The following NTNG1 variants were observed in gnomAD, a reference collection of about 807,000 sequenced individuals.
The protein encoded by NTNG1 is netrin-G1.
Under a neutral mutation model 54.0 loss-of-function variants are expected in NTNG1, and 16 were observed. That is an observed-to-expected ratio of 0.30 (90% CI 0.20 to 0.45). NTNG1 has a LOEUF of 0.45. Ranked by LOEUF, NTNG1 falls within the 20% of genes least tolerant of loss-of-function variation. NTNG1 has a pLI of 1.00. For missense variants in NTNG1, 530 were observed against 678.7 expected (o/e 0.78, Z 2.43); for synonymous variants, 255 against 263.1 (o/e 0.97, Z 0.30).
chr1:107,180,054 GA>G (rs1557785524), intron 2 of NTNG1, among the ~76,000 whole-genome samples: 1 of 152,254 alleles, frequency 6.6e-6, no homozygotes, highest in Admixed American at 6.5e-5. Flanking sequence ...ACATACCAGA[GA>G]GTGTCTTAGA....
At chr1:107,444,099 GATGAGCAAAC>G (rs1189427404) in intron 7 of NTNG1, among the ~76,000 whole-genome samples, 1 of 87,092 alleles carries the variant, frequency 1.1e-5, no homozygotes, top group Admixed American at 1.2e-4. Context: ...TTGTCTGCTA[GATGAGCAAAC>G]CCCAGGGTTG....
chr1:107,172,499 A>G (rs1018802015), intron 2 of NTNG1, among the ~76,000 whole-genome samples: 1 of 152,132 alleles, frequency 6.6e-6, no homozygotes, highest in Non-Finnish European at 1.5e-5. Context: ...ATTAGCAAAA[A>G]TCTTGGCAGT....
At chr1:107,363,909 T>C (rs952096329) in intron 3 of NTNG1, among the ~76,000 whole-genome samples, 2 of 152,192 alleles carry the variant, frequency 1.3e-5, no homozygotes, top group Non-Finnish European at 2.9e-5. Flanking sequence ...TTTGATCAGT[T>C]ATTTTGTGTT....
intron 5 of NTNG1, among the ~76,000 whole-genome samples, chr1:107,425,235 G>A (rs989228729): frequency 6.6e-6 from 1 of 151,986 alleles, no homozygotes; most frequent in Non-Finnish European, 1.5e-5. Flanking sequence ...TGTGTTTCAT[G>A]GATATTACAT....
intron 7 of NTNG1, chr1:107,455,496 G>A (rs1386646320): frequency 7.6e-6 from 3 of 392,736 alleles, no homozygotes; most frequent in Admixed American, 7.5e-5. Flanking sequence ...TTCCAAAGCA[G>A]CAGGCTTGTT....
At chr1:107,273,767 G>A (rs901982866) in intron 2 of NTNG1, among the ~76,000 whole-genome samples, 5 of 152,114 alleles carry the variant, frequency 3.3e-5, no homozygotes, top group African/African-American at 1.2e-4. Context: ...GTACATATCA[G>A]TCACAGTCAT....
At chr1:107,216,612 T>C (rs775157775) in intron 2 of NTNG1, among the ~76,000 whole-genome samples, 16 of 152,154 alleles carry the variant, frequency 1.1e-4, no homozygotes, top group Non-Finnish European at 1.3e-4. Flanking sequence ...GGTTTTCTTA[T>C]TTGGTTATGT....
Position 107,324,373 on chromosome 1 carries a change from A to G in NTNG1, c.338A>G (p.His113Arg). 1 of 1,613,842 alleles carries G rather than the reference A, an allele frequency of 6.2e-7. No homozygotes were observed. The highest frequency in any genetic ancestry group is 8.5e-7 in the Non-Finnish European group (1 of 1,179,808). The change falls in exon 3 of 8, where the codon CAT (histidine) becomes CGT (arginine). Residue 113 changes from histidine to arginine, a missense_variant. Physicochemically the swap from His to Arg is conservative, Grantham distance 29 (BLOSUM62 0). Coordinates refer to ENST00000370068, the MANE Select transcript of NTNG1 (RefSeq NM_001113226.3). ...CTGATGTTTGATTTTGAAGGAAGAC[A>G]TCCCTCCACATTTTGGCAGTCTGCC... Reference protein sequence around the residue: ...PELMFDFEGRHPSTFWQSATW... With the variant: ...PELMFDFEGRRPSTFWQSATW...
chr1:107,263,005 A>G (rs12145076), intron 2 of NTNG1, among the ~76,000 whole-genome samples: 12,459 of 152,260 alleles, frequency 0.082, 597 homozygotes, highest in Middle Eastern at 0.11. Flanking sequence ...TCTAGCACAA[A>G]TAATGCAAAG....
chr1:107,429,154 C>T (rs1331806523), intron 5 of NTNG1, among the ~76,000 whole-genome samples: 1 of 151,882 alleles, frequency 6.6e-6, no homozygotes, highest in African/African-American at 2.4e-5. Flanking sequence ...CTTCTTGCCT[C>T]TCTTTTAGCA....
At chr1:107,205,196 C>G (rs1434591956) in intron 2 of NTNG1, among the ~76,000 whole-genome samples, 1 of 152,132 alleles carries the variant, frequency 6.6e-6, no homozygotes, top group Non-Finnish European at 1.5e-5. Context: ...ATTCAATAAT[C>G]CATTTTAAAT....
chr1:107,330,841 T>C (rs1668232037), intron 3 of NTNG1: 1 of 152,050 alleles, frequency 6.6e-6, no homozygotes, highest in African/African-American at 2.4e-5. Flanking sequence ...TTATAGAACA[T>C]TTACAGAATC....
chr1:107,329,516 A>G (rs995931526), intron 3 of NTNG1, among the ~76,000 whole-genome samples: 1 of 152,240 alleles, frequency 6.6e-6, no homozygotes, highest in African/African-American at 2.4e-5. Context: ...GTATAAAAGC[A>G]GTAGAGCACT....
intron 7 of NTNG1, 38 bp from the exon 8 acceptor site, chr1:107,480,573 C>CCCCCCCCCCCCCCCCCACCA: frequency 1.8e-6 from 1 of 559,904 alleles, no homozygotes; most frequent in Non-Finnish European, 3.4e-6. Flanking sequence ...TTCTCCTCCC[C>CCCCCCCCCCCCCCCCCACCA]GCGCCCACCC....
At chr1:107,163,356 C>T (rs143984266) in intron 2 of NTNG1, among the ~76,000 whole-genome samples, 1 of 152,186 alleles carries the variant, frequency 6.6e-6, no homozygotes, top group East Asian at 1.9e-4. Context: ...AGATGATGTA[C>T]TTAGCACAGG....
At chr1:107,203,503 G>T (rs368288130) in intron 2 of NTNG1, among the ~76,000 whole-genome samples, 3 of 150,668 alleles carry the variant, frequency 2.0e-5, no homozygotes, top group East Asian at 3.9e-4. Context: ...ATTCTTTCTG[G>T]GAAGTTTATA....
intron 7 of NTNG1, among the ~76,000 whole-genome samples, chr1:107,458,814 A>C (rs1273979448): frequency 6.6e-6 from 1 of 152,156 alleles, no homozygotes; most frequent in Non-Finnish European, 1.5e-5. Context: ...CAAATTTGTC[A>C]TGCCAATTTC....
chr1:107,270,964 A>T lies in NTNG1; in HGVS notation c.247-53318A>T, dbSNP rs1281198812. Among the ~76,000 whole-genome samples, 3 of 152,120 alleles carry T rather than the reference A, an allele frequency of 2.0e-5. 1 individual carries two copies. The highest frequency in any genetic ancestry group is 4.1e-4 in the South Asian group (2 of 4,830). ...AAGGAATTAGACTACACATCAAGTA[A>T]GTTCATTTAAAATAATGAAGAAATT... is the stretch of plus-strand genomic sequence containing the variant. On this transcript the variant is annotated intron_variant, in intron 2 of 7. Coordinates refer to ENST00000370068, the MANE Select transcript of NTNG1 (RefSeq NM_001113226.3).
intron 7 of NTNG1, among the ~76,000 whole-genome samples, chr1:107,453,954 T>C (rs566851102): frequency 6.6e-6 from 1 of 152,232 alleles, no homozygotes; most frequent in South Asian, 2.1e-4. Flanking sequence ...AATACAGATT[T>C]GACTCCTTGC....
Sources: gnomAD v4.1 joint callset for allele counts (sites outside exome capture counted in the v4.1 genomes callset) on GRCh38, gnomAD v4.1.1 for gene constraint, MANE v1.5 for transcripts, NCBI Gene and HGNC (gene_info 2026-07-23, HGNC 2026-07-21) for gene names.